PSMD1: variants seen among roughly 807,000 people sequenced by gnomAD.
PSMD1 encodes 26S proteasome non-ATPase regulatory subunit 1.
A neutral mutation model predicts 119.0 loss-of-function variants in PSMD1; 18 were observed. The ratio of observed to expected loss-of-function variants is 0.15; its 90% CI spans 0.10 to 0.22. The LOEUF (loss-of-function observed/expected upper bound fraction) is 0.22. Among genes scored for constraint, PSMD1 ranks in the 10% least tolerant of loss-of-function variants. PSMD1 has a pLI of 1.00. For missense variants in PSMD1, 702 were observed against 1,158.5 expected (o/e 0.61, Z 5.72); for synonymous variants, 374 against 396.6 (o/e 0.94, Z 0.68).
At chr2:231,151,958 G>A (rs945328508) in intron 18 of PSMD1, among the ~76,000 whole-genome samples, 5 of 151,780 alleles carry the variant, frequency 3.3e-5, no homozygotes, top group African/African-American at 4.8e-5. Flanking sequence ...GATTATAGGC[G>A]CCTGCCACCA....
At chr2:231,063,017 C>G (rs915299095) in intron 4 of PSMD1, among the ~76,000 whole-genome samples, 1 of 152,148 alleles carries the variant, frequency 6.6e-6, no homozygotes, top group Admixed American at 6.5e-5. Flanking sequence ...CCGTGCTAGT[C>G]ACTCTGCATA....
chr2:231,109,015 A>G, intron 16 of PSMD1: 1 of 1,614,222 alleles, frequency 6.2e-7, no homozygotes, highest in Non-Finnish European at 8.5e-7. Flanking sequence ...GTTCGTTGGA[A>G]ATGGTCTGCA....
chr2:231,078,577 A>T, intron 9 of PSMD1, 82 bp from the exon 10 acceptor site: 1 of 922,162 alleles, frequency 1.1e-6, no homozygotes, highest in Non-Finnish European at 1.6e-6. Flanking sequence ...ACCACAAAAT[A>T]GGACCTCTGA....
intron 16 of PSMD1, among the ~76,000 whole-genome samples, chr2:231,137,050 TATAA>T (rs938957450): frequency 2.3e-4 from 34 of 145,494 alleles, no homozygotes; most frequent in Non-Finnish European, 6.0e-5. Context: ...TTATATAATA[TATAA>T]ATATATATAT....
At chr2:231,065,501 G>A (rs549737813) in intron 4 of PSMD1, among the ~76,000 whole-genome samples, 25 of 149,524 alleles carry the variant, frequency 1.7e-4, no homozygotes, top group South Asian at 2.1e-4. Context: ...GGGTTTCACC[G>A]TGTTAGCCAG....
chr2:231,102,843 A>G (rs1442949402), intron 16 of PSMD1, among the ~76,000 whole-genome samples: 1 of 152,214 alleles, frequency 6.6e-6, no homozygotes, highest in Non-Finnish European at 1.5e-5. Flanking sequence ...TTATATGGAT[A>G]CTGCCTGTTA....
At chr2:231,082,350 G>A (rs2125172251) in intron 12 of PSMD1, among the ~76,000 whole-genome samples, 2 of 152,298 alleles carry the variant, frequency 1.3e-5, no homozygotes, top group South Asian at 4.1e-4. Context: ...ACAAGCATGA[G>A]CCACCAGTCC....
At chr2:231,072,824 A>G (rs1363056460) in intron 7 of PSMD1, among the ~76,000 whole-genome samples, 2 of 152,160 alleles carry the variant, frequency 1.3e-5, no homozygotes, top group Non-Finnish European at 2.9e-5. Flanking sequence ...ACAAATTTCT[A>G]TAGTATTAGA....
intron 18 of PSMD1, among the ~76,000 whole-genome samples, chr2:231,147,563 A>G (rs1696281463): frequency 6.6e-6 from 1 of 152,198 alleles, no homozygotes; most frequent in Non-Finnish European, 1.5e-5. Flanking sequence ...TTGATATCTC[A>G]TGTATCTTGT....
At chr2:231,108,757 T>C (rs1695047982) in intron 16 of PSMD1, 1 of 1,614,196 alleles carries the variant, frequency 6.2e-7, no homozygotes, top group Non-Finnish European at 8.5e-7. Context: ...TTACTGACTT[T>C]GTGGCCCGGT....
intron 4 of PSMD1, among the ~76,000 whole-genome samples, chr2:231,065,547 C>G (rs1020034993): frequency 6.6e-6 from 1 of 152,048 alleles, no homozygotes; most frequent in Admixed American, 6.5e-5. Context: ...GATCCACCCG[C>G]CTCGGCCTCC....
At chr2:231,059,901 G>T (rs889068147) in intron 1 of PSMD1, among the ~76,000 whole-genome samples, 1 of 152,168 alleles carries the variant, frequency 6.6e-6, no homozygotes, top group Non-Finnish European at 1.5e-5. Context: ...TTTAGTTCTG[G>T]TCCATGGCCA....
intron 23 of PSMD1, 138 bp downstream of exon 23, chr2:231,166,155 G>A (rs546837929): frequency 1.2e-4 from 111 of 957,348 alleles, no homozygotes; most frequent in Non-Finnish European, 1.5e-4. Flanking sequence ...TAACAAAAGA[G>A]AGAATGTTCT....
At chr2:231,168,545 C>T (rs1696840882) in intron 23 of PSMD1, among the ~76,000 whole-genome samples, 1 of 152,112 alleles carries the variant, frequency 6.6e-6, no homozygotes, top group Non-Finnish European at 1.5e-5. Flanking sequence ...AGAAGCCAGA[C>T]GTAAAAGACT....
intron 16 of PSMD1, among the ~76,000 whole-genome samples, chr2:231,103,177 A>G (rs1446131580): frequency 6.6e-6 from 1 of 152,220 alleles, no homozygotes; most frequent in Non-Finnish European, 1.5e-5. Context: ...GTGGATGGAA[A>G]TGTTGAATAA....
At chr2:231,155,047 C>T (rs974436919) in intron 19 of PSMD1, among the ~76,000 whole-genome samples, 4 of 152,162 alleles carry the variant, frequency 2.6e-5, no homozygotes, top group Non-Finnish European at 5.9e-5. Flanking sequence ...TATGCCTTAA[C>T]GTTATTATTG....
At chr2:231,121,982 A>AGT (rs768260107) in intron 16 of PSMD1, among the ~76,000 whole-genome samples, 25,131 of 152,056 alleles carry the variant, frequency 0.17, 2,206 homozygotes, top group Non-Finnish European at 0.17. Flanking sequence ...AGTATTTATC[A>AGT]AATATGCATA....
intron 16 of PSMD1, among the ~76,000 whole-genome samples, chr2:231,136,669 T>G (rs1165102325): frequency 6.6e-6 from 1 of 152,094 alleles, no homozygotes; most frequent in African/African-American, 2.4e-5. Flanking sequence ...TTTTATTACA[T>G]GTGCTACAAA....
At chr2:231,111,391 TTC>T in intron 16 of PSMD1, among the ~76,000 whole-genome samples, 1 of 152,336 alleles carries the variant, frequency 6.6e-6, no homozygotes, top group Middle Eastern at 3.4e-3. Flanking sequence ...TTAATGAGAC[TTC>T]ATTCATCTCA....
Sources: allele counts gnomAD v4.1 joint callset (sites outside exome capture counted in the v4.1 genomes callset), GRCh38; gene constraint gnomAD v4.1.1; transcripts MANE v1.5; gene names NCBI Gene and HGNC (gene_info 2026-07-23, HGNC 2026-07-21).